The following CKAP5 variants were observed in gnomAD, a reference collection of about 807,000 sequenced individuals.
CKAP5 encodes cytoskeleton associated protein 5, also known as cytoskeleton-associated protein 5.
CKAP5 carries 27 observed loss-of-function variants against 232.8 expected under a neutral mutation model. That is an observed-to-expected ratio of 0.12 (90% CI 0.09 to 0.16). The LOEUF (loss-of-function observed/expected upper bound fraction) is 0.16, where lower values mean the gene tolerates loss of function less well. CKAP5 is among the 10% of genes least tolerant of loss of function. The pLI is 1.00. For missense variants in CKAP5, 1,838 were observed against 2,424.7 expected (o/e 0.76, Z 5.08); for synonymous variants, 785 against 841.1 (o/e 0.93, Z 1.16).
intron 25 of CKAP5, 145 bp from the exon 26 acceptor site, chr11:46,770,243 C>G (rs1253404017): frequency 5.2e-6 from 4 of 766,340 alleles, no homozygotes. Flanking sequence ...TACATGGTGT[C>G]AGAGAAGTCA....
intron 1 of CKAP5, among the ~76,000 whole-genome samples, chr11:46,836,584 T>C (rs1377003133): frequency 6.6e-6 from 1 of 152,044 alleles, no homozygotes; most frequent in Non-Finnish European, 1.5e-5. Flanking sequence ...GGACACTACA[T>C]ACCTACCAGA....
rs2065004341 is a variant in CKAP5 at position 46,744,030 on chromosome 11, C to A, written c.6092G>T (p.Arg2031Leu). Residue 2031 changes from arginine (R) to leucine (L), a missense_variant, in exon 44 of 44, where the codon CGC becomes CTC. Arg to Leu is a moderately radical substitution (Grantham distance 102). Coordinates refer to ENST00000529230, the MANE Select transcript of CKAP5 (RefSeq NM_001008938.4). The stretch of plus-strand genomic sequence containing the variant: ...CGGGGGAGTGGGGCAGCTTCATTTG[C>A]GACTGCTCTTTATTCTCTCCAGTCT... ...KKRLERIKSS[R>L]K is the part of the protein sequence containing the mutation. The A allele has an allele frequency of 1.2e-6, 2 of 1,612,564 alleles. No individual in the cohort carries two copies. Among genetic ancestry groups the A allele is most frequent in the South Asian group, 1.1e-5 (1 of 91,012 alleles).
chr11:46,806,321 T>TA (rs2134665838), intron 8 of CKAP5, among the ~76,000 whole-genome samples: 1 of 152,310 alleles, frequency 6.6e-6, no homozygotes, highest in East Asian at 1.9e-4. Context: ...AGAAAACACA[T>TA]AATATTAATG....
chr11:46,801,326 A>G (rs1939026730), intron 8 of CKAP5, 22 bp from the exon 9 acceptor site: 5 of 1,550,638 alleles, frequency 3.2e-6, no homozygotes, highest in Non-Finnish European at 4.5e-6. Flanking sequence ...GGTAAAAAGG[A>G]AAACAAAATA....
At chr11:46,763,359 G>T in intron 29 of CKAP5, 122 bp downstream of exon 29, 1 of 1,012,710 alleles carries the variant, frequency 9.9e-7, no homozygotes, top group Non-Finnish European at 1.4e-6. Flanking sequence ...TAACAAGACA[G>T]CTCTAAAAAT....
chr11:46,796,107 G>A (rs1407682676), intron 12 of CKAP5, among the ~76,000 whole-genome samples: 1 of 143,102 alleles, frequency 7.0e-6, no homozygotes, highest in Non-Finnish European at 1.5e-5. Flanking sequence ...AGAGGTTGCA[G>A]TAAGCTGAGA....
intron 4 of CKAP5, among the ~76,000 whole-genome samples, chr11:46,814,991 C>G (rs915119594): frequency 6.6e-6 from 1 of 152,154 alleles, no homozygotes. Context: ...AGTTTTCCAA[C>G]AAAAGGCCAG....
At chr11:46,843,623 G>A (rs1001307320) in intron 1 of CKAP5, among the ~76,000 whole-genome samples, 5 of 151,728 alleles carry the variant, frequency 3.3e-5, no homozygotes, top group South Asian at 2.1e-4. Context: ...CCCAGCTACC[G>A]GAAGGCTGAG....
rs1450805735 is a variant in CKAP5, at chr11:46,790,095, C to A, written c.1856G>T (p.Cys619Phe). 2 of 1,611,192 alleles carry A rather than the reference C, an allele frequency of 1.2e-6. No homozygotes were observed. Among genetic ancestry groups the A allele is most frequent in the Non-Finnish European group, 8.5e-7 (1 of 1,177,782 alleles). ...DSSNWKERLA[C>F]MEEFQKAVEL... ...CACTACCTTCTGGAACTCTTCCATA[C>A]AAGCCAGCCTTTCTTTCCAGTTACT... Residue 619 changes from cysteine to phenylalanine, a missense_variant, in exon 15 of 44, where the codon TGT becomes TTT. This residue lies in a region of CKAP5 where 767 missense variants were observed against 954.6 expected (regional missense o/e 0.80). Transcript: ENST00000529230.
chr11:46,796,443 C>T (rs966741270), intron 12 of CKAP5, among the ~76,000 whole-genome samples: 7 of 151,990 alleles, frequency 4.6e-5, no homozygotes, highest in African/African-American at 1.7e-4. Context: ...AGCTTTTTTT[C>T]GGTTATAATT....
chr11:46,785,856 G>T (rs1214362295), intron 16 of CKAP5, among the ~76,000 whole-genome samples: 1 of 152,086 alleles, frequency 6.6e-6, no homozygotes, highest in Non-Finnish European at 1.5e-5. Context: ...GAGGTGGGAG[G>T]ATCACTTGAA....
At chr11:46,821,369 G>T in intron 1 of CKAP5, 101 bp from the exon 2 acceptor site, 1 of 494,934 alleles carries the variant, frequency 2.0e-6, no homozygotes, top group Non-Finnish European at 3.6e-6. Flanking sequence ...GCAACAACAA[G>T]AGTAAAAATC....
At chr11:46,771,025 A>T in intron 24 of CKAP5, 43 bp from the exon 25 acceptor site, 1 of 1,528,440 alleles carries the variant, frequency 6.5e-7, no homozygotes, top group Non-Finnish European at 9.0e-7. Context: ...TCAAATGAAG[A>T]CTGTTATCAT....
At chr11:46,800,497 A>C (rs1286562376) in intron 9 of CKAP5, among the ~76,000 whole-genome samples, 2 of 152,216 alleles carry the variant, frequency 1.3e-5, no homozygotes, top group Non-Finnish European at 2.9e-5. Context: ...CAATAAGGTC[A>C]ATTTTTAGGA....
chr11:46,795,025 T>C (rs1446821299), intron 13 of CKAP5, among the ~76,000 whole-genome samples: 4 of 152,006 alleles, frequency 2.6e-5, no homozygotes, highest in African/African-American at 9.7e-5. Context: ...ATTAATGAAC[T>C]GCACATTAAA....
intron 1 of CKAP5, among the ~76,000 whole-genome samples, chr11:46,829,760 G>C (rs554896905): frequency 2.6e-5 from 4 of 151,984 alleles, no homozygotes; most frequent in Non-Finnish European, 5.9e-5. Flanking sequence ...AGGGTCAAAT[G>C]TGCCTATGTG....
chr11:46,814,916 T>C (rs557539130), intron 4 of CKAP5, among the ~76,000 whole-genome samples: 1 of 152,356 alleles, frequency 6.6e-6, no homozygotes, highest in South Asian at 2.1e-4. Flanking sequence ...TCTCAAAGTA[T>C]AGACTTCGAA....
At position 46,790,429 on chromosome 11, in the gene CKAP5, G is replaced by C. The variant is rs375476546; in HGVS notation, c.1764+41C>G. ...CCAGTCTTCTCATTGGTCTCACTTT[G>C]CAGGGTTCATGATTTTCAGGCTCAG... On this transcript the variant is annotated intron_variant, in intron 14 of 43. Coordinates refer to ENST00000529230, the MANE Select transcript of CKAP5 (RefSeq NM_001008938.4). 3.6e-6 allele frequency: 5 copies of C among 1,386,510 alleles called. No individual in the cohort carries two copies. In the African/African-American group the frequency reaches 7.2e-5, roughly 20 times the overall value. 85.9% of individuals were successfully genotyped at this position (1,386,510 alleles called of 1,614,324 possible).
At chr11:46,755,771 A>T (rs1315271455) in intron 35 of CKAP5, among the ~76,000 whole-genome samples, 1 of 151,738 alleles carries the variant, frequency 6.6e-6, no homozygotes, top group African/African-American at 2.4e-5. Context: ...TCTACCAAAA[A>T]TAGAAAAATT....
Sources: allele counts gnomAD v4.1 joint callset (sites outside exome capture counted in the v4.1 genomes callset), GRCh38; gene constraint gnomAD v4.1.1; regional missense constraint gnomAD v4.1.1; transcripts MANE v1.5; gene names NCBI Gene and HGNC (gene_info 2026-07-23, HGNC 2026-07-21).